The following FAM184A variants were observed in gnomAD, a reference collection of about 807,000 sequenced individuals.
The protein encoded by FAM184A is protein FAM184A.
A neutral mutation model predicts 143.8 loss-of-function variants in FAM184A; 99 were observed. That is an observed-to-expected ratio of 0.69 (90% CI 0.58 to 0.81). FAM184A has a LOEUF of 0.81. Ranked by LOEUF, FAM184A falls within the 40% of genes least tolerant of loss-of-function variation. FAM184A has a pLI of 0.00. For missense variants in FAM184A, 1,217 were observed against 1,310.5 expected, an observed-to-expected ratio of 0.93 and a Z score of 1.10; for synonymous variants, 427 against 446.4, an observed-to-expected ratio of 0.96 and a Z score of 0.55.
intron 1 of FAM184A, among the ~76,000 whole-genome samples, chr6:119,047,454 T>C (rs762945035): frequency 7.9e-5 from 12 of 152,212 alleles, no homozygotes; most frequent in Non-Finnish European, 1.0e-4. Context: ...GCACCGGTTA[T>C]AATAGTTAAG....
At chr6:119,068,911 C>T (rs1389682016) in intron 1 of FAM184A, 2 of 210,530 alleles carry the variant, frequency 9.5e-6, no homozygotes, top group Non-Finnish European at 2.2e-5. Flanking sequence ...AAGAACGAAA[C>T]CAAATAGAAA....
At chr6:119,033,292 T>A (rs12211725) in intron 1 of FAM184A, among the ~76,000 whole-genome samples, 19,391 of 152,150 alleles carry the variant, frequency 0.13, 1,430 homozygotes, top group Non-Finnish European at 0.17. Context: ...TTCCATATTT[T>A]CTTACCTATT....
intron 1 of FAM184A, among the ~76,000 whole-genome samples, chr6:119,107,209 G>A (rs1332241957): frequency 6.6e-6 from 1 of 152,048 alleles, no homozygotes; most frequent in Non-Finnish European, 1.5e-5. Flanking sequence ...GGAAACTTAT[G>A]TTCATACACC....
chr6:119,133,896 G>C (rs1476849010), intron 1 of FAM184A, among the ~76,000 whole-genome samples: 1 of 151,290 alleles, frequency 6.6e-6, no homozygotes, highest in Non-Finnish European at 1.5e-5. Flanking sequence ...TTTGATCTTT[G>C]GGAGGCCAAA....
rs971359974 is a variant in FAM184A at position 119,005,439 on chromosome 6, G to A, written c.1815+1008C>T. 3.9e-5 allele frequency: 6 copies of A among 152,278 alleles called. No homozygotes were observed. The East Asian group carries it at 7.7e-4, about 20-fold the overall frequency. 9.4% of individuals were successfully genotyped at this position (152,278 alleles called of 1,614,324 possible). Reference sequence around the variant, plus strand: ...TTCACTAAAGTGTCCTTGTTTATATGCTTTTGAAATGTCACCAATTCTGAA... The same window carrying A: ...TTCACTAAAGTGTCCTTGTTTATATACTTTTGAAATGTCACCAATTCTGAA... On this transcript the variant is annotated intron_variant, in intron 7 of 17. Coordinates refer to ENST00000338891, the MANE Select transcript of FAM184A (RefSeq NM_024581.6).
At chr6:119,045,719 A>G (rs528384940) in intron 1 of FAM184A, among the ~76,000 whole-genome samples, 13 of 152,230 alleles carry the variant, frequency 8.5e-5, no homozygotes, top group Non-Finnish European at 1.9e-4. Flanking sequence ...CAAATACTCA[A>G]AGCTGCAATA....
At chr6:119,111,621 G>C (rs1237559962) in intron 1 of FAM184A, among the ~76,000 whole-genome samples, 1 of 152,218 alleles carries the variant, frequency 6.6e-6, no homozygotes, top group African/African-American at 2.4e-5. Flanking sequence ...ATAATAAGTT[G>C]ACACTAAGTC....
At chr6:119,103,642 AG>A (rs1788700098) in intron 1 of FAM184A, among the ~76,000 whole-genome samples, 1 of 109,408 alleles carries the variant, frequency 9.1e-6, no homozygotes. Flanking sequence ...AAAGAGAGAG[AG>A]GAGGCCAGGC....
chr6:119,045,752 T>C (rs908836525), intron 1 of FAM184A, among the ~76,000 whole-genome samples: 10 of 152,312 alleles, frequency 6.6e-5, no homozygotes, highest in Admixed American at 2.6e-4. Flanking sequence ...TATATTTTCA[T>C]GCTCAATTCA....
intron 1 of FAM184A, among the ~76,000 whole-genome samples, chr6:119,094,716 A>G (rs1349768301): frequency 6.6e-6 from 1 of 152,118 alleles, no homozygotes; most frequent in African/African-American, 2.4e-5. Context: ...ATGACTCCAG[A>G]AAGTAGGAAT....
chr6:118,974,449 AT>A lies in FAM184A; in HGVS notation c.2893del (p.Ile965Ter). 6.2e-7 allele frequency: 1 copy of A among 1,609,630 alleles called. No individual in the cohort carries two copies. The highest frequency in any genetic ancestry group is 8.5e-7 in the Non-Finnish European group (1 of 1,177,958). Reference sequence around the variant, plus strand: ...TTACGACACTTGTAAAGCGGCATTTATTTCCTTGAGTAGCTCGTTAGTCTTA... The same window carrying A: ...TTACGACACTTGTAAAGCGGCATTTATTCCTTGAGTAGCTCGTTAGTCTTA... ...FNKTNELLKE[I>X]NAALQVSLEE... On this transcript the variant is annotated frameshift_variant, in exon 14 of 18. Transcript: ENST00000338891. LOFTEE classifies it high-confidence loss of function.
chr6:119,145,361 C>G (rs1430562329), intron 1 of FAM184A, among the ~76,000 whole-genome samples: 1 of 152,142 alleles, frequency 6.6e-6, no homozygotes, highest in African/African-American at 2.4e-5. Context: ...TTCTTTAGCT[C>G]TTACCCACAC....
chr6:119,024,795 T>G lies in FAM184A; in HGVS notation c.178A>C (p.Thr60Pro). 6.2e-7 allele frequency: 1 copy of G among 1,606,278 alleles called. No individual in the cohort carries two copies. The highest frequency in any genetic ancestry group is 8.5e-7 in the Non-Finnish European group (1 of 1,177,754). Residue 60 changes from threonine (T) to proline (P), a missense_variant, in exon 2 of 18, where the codon ACT (threonine) becomes CCT (proline). Coordinates refer to ENST00000338891, the MANE Select transcript of FAM184A (RefSeq NM_024581.6). ...QLTKVIYALN[T>P]KNDEHESAIQ... ...GCAGATTCATGCTCATCATTTTTAGTGTTTAAAGCATATATTACCTGCATG... is the reference window on the plus strand; with the variant it reads ...GCAGATTCATGCTCATCATTTTTAGGGTTTAAAGCATATATTACCTGCATG...
At chr6:119,007,873 A>G (rs960423393) in intron 6 of FAM184A, among the ~76,000 whole-genome samples, 2 of 152,026 alleles carry the variant, frequency 1.3e-5, no homozygotes, top group Admixed American at 1.3e-4. Flanking sequence ...CCTGGGAGGC[A>G]GAGGTTGCAG....
intron 1 of FAM184A, among the ~76,000 whole-genome samples, chr6:119,132,632 T>C (rs1490007844): frequency 6.6e-6 from 1 of 152,246 alleles, no homozygotes; most frequent in Non-Finnish European, 1.5e-5. Context: ...AGCCACCCCT[T>C]ACTCTGCCCT....
rs947830544 is a variant in FAM184A at position 119,128,583 on chromosome 6, T to C, written c.-202+20495A>G. ...ACATAATTAGATAAACATGAGTTACTGGAGAGGAGTGTCTAGAGAGGGAGG... is the reference window on the plus strand; with the variant it reads ...ACATAATTAGATAAACATGAGTTACCGGAGAGGAGTGTCTAGAGAGGGAGG... On this transcript the variant is annotated intron_variant, in intron 1 of 16. Coordinates refer to the FAM184A transcript ENST00000352896. Among the ~76,000 whole-genome samples, 5 of 152,124 alleles carry C rather than the reference T, an allele frequency of 3.3e-5. No individual in the cohort carries two copies. The South Asian group carries it at 1.0e-3, about 32-fold the overall frequency.
chr6:119,090,472 A>G (rs1405758411), intron 1 of FAM184A, among the ~76,000 whole-genome samples: 1 of 152,238 alleles, frequency 6.6e-6, no homozygotes, highest in Non-Finnish European at 1.5e-5. Context: ...TGGCATGCAT[A>G]GGAACTGTCC....
chr6:119,030,835 G>T (rs1305315606), intron 1 of FAM184A, among the ~76,000 whole-genome samples: 2 of 151,738 alleles, frequency 1.3e-5, no homozygotes, highest in African/African-American at 2.4e-5. Flanking sequence ...AGAAACATTT[G>T]CACTTTTTAT....
Position 119,087,686 on chromosome 6 carries a change from T to C in FAM184A, c.-202+61392A>G, listed in dbSNP as rs536361591. Among the ~76,000 whole-genome samples, 36 of 152,342 alleles carry C rather than the reference T, an allele frequency of 2.4e-4. No homozygotes were observed. In the South Asian group the frequency reaches 5.6e-3, roughly 24 times the overall value. On this transcript the variant is annotated intron_variant, in intron 1 of 16. Transcript: ENST00000352896. ...ATGGTACAGCCACTGTGGAAAACAG[T>C]ATGCTGGTTCCTCAGAAAATTGACA...
Sources: gnomAD v4.1 joint callset for allele counts (sites outside exome capture counted in the v4.1 genomes callset) on GRCh38, gnomAD v4.1.1 for gene constraint, MANE v1.5 for transcripts, NCBI Gene and HGNC (gene_info 2026-07-23, HGNC 2026-07-21) for gene names.